The following CDH4 variants were observed in gnomAD, a reference collection of about 807,000 sequenced individuals.
CDH4 encodes cadherin 4.
A neutral mutation model predicts 86.0 loss-of-function variants in CDH4; 33 were observed. The observed-to-expected ratio is 0.38, with a 90% confidence interval of 0.29 to 0.51. The LOEUF is 0.51. Ranked by LOEUF, CDH4 falls within the 20% of genes least tolerant of loss-of-function variation. The pLI is 0.86. For synonymous variants in CDH4, 555 were observed against 549.4 expected (o/e 1.01, Z -0.14); for missense variants, 1,114 against 1,307.4 (o/e 0.85, Z 2.28).
At chr20:61,687,475 C>A (rs901457260) in intron 2 of CDH4, among the ~76,000 whole-genome samples, 1 of 152,152 alleles carries the variant, frequency 6.6e-6, no homozygotes, top group Admixed American at 6.5e-5. Flanking sequence ...ACAGCCTGGG[C>A]GGGACTTGCT....
At chr20:61,920,711 TCAC>T (rs1346973827) in intron 9 of CDH4, among the ~76,000 whole-genome samples, 1 of 150,146 alleles carries the variant, frequency 6.7e-6, no homozygotes, top group African/African-American at 2.5e-5. Flanking sequence ...AAGCGTGGTG[TCAC>T]GGTGATTGCA....
chr20:61,673,443 C>T (rs1446466571), intron 2 of CDH4, among the ~76,000 whole-genome samples: 1 of 152,208 alleles, frequency 6.6e-6, no homozygotes, highest in Non-Finnish European at 1.5e-5. Flanking sequence ...AGGGAGGCTG[C>T]GTGCCTGGGC....
At chr20:61,497,018 C>G (rs968910875) in intron 2 of CDH4, among the ~76,000 whole-genome samples, 5 of 141,956 alleles carry the variant, frequency 3.5e-5, no homozygotes, top group Non-Finnish European at 1.5e-5. Context: ...TTAAGTCTCT[C>G]TTATCCAATG....
rs551923937 is a variant in CDH4, at chr20:61,845,537, TG to T, written c.732+715del. 1.4e-4 allele frequency among the ~76,000 whole-genome samples: 22 copies of T among 152,272 alleles called. No homozygotes were observed. The South Asian group carries it at 4.1e-3, about 29-fold the overall frequency. ...TCAGGGTCCAGAGCTGTCCATCACG[TG>T]TAGGTGAAGGCCTCGCCAGCAGCGC... On this transcript the variant is annotated intron_variant, in intron 5 of 15. Coordinates refer to ENST00000614565, the MANE Select transcript of CDH4 (RefSeq NM_001794.5).
chr20:61,833,431 A>G (rs1446041093), intron 4 of CDH4, among the ~76,000 whole-genome samples: 1 of 152,160 alleles, frequency 6.6e-6, no homozygotes, highest in Admixed American at 6.5e-5. Context: ...GACAGCAAAC[A>G]TAGTATTCCG....
At chr20:61,502,749 T>C (rs2085713601) in intron 2 of CDH4, among the ~76,000 whole-genome samples, 1 of 152,222 alleles carries the variant, frequency 6.6e-6, no homozygotes, top group Admixed American at 6.5e-5. Context: ...TATTTTCTTT[T>C]TTGTTACTGG....
chr20:61,605,587 G>A (rs998206474), intron 2 of CDH4, among the ~76,000 whole-genome samples: 1 of 145,712 alleles, frequency 6.9e-6, no homozygotes, highest in Non-Finnish European at 1.5e-5. Flanking sequence ...CTGCCTCCCT[G>A]TCTCTCCCTC....
intron 2 of CDH4, among the ~76,000 whole-genome samples, chr20:61,476,685 C>T (rs1481792429): frequency 6.6e-6 from 1 of 152,236 alleles, no homozygotes; most frequent in Non-Finnish European, 1.5e-5. Context: ...AAGTGTTAGG[C>T]TGGGCGAGAC....
chr20:61,719,058 G>A (rs78307752), intron 2 of CDH4: 82 of 471,140 alleles, frequency 1.7e-4, no homozygotes, highest in East Asian at 1.4e-3. Context: ...GGCCACACTC[G>A]TGCTAATAGG....
intron 3 of CDH4, among the ~76,000 whole-genome samples, chr20:61,767,781 G>A (rs574140998): frequency 1.3e-5 from 2 of 152,314 alleles, no homozygotes; most frequent in African/African-American, 4.8e-5. Flanking sequence ...GCCCTGGGCA[G>A]GGCCCTGGCC....
At chr20:61,469,998 C>T (rs2085493412) in intron 2 of CDH4, among the ~76,000 whole-genome samples, 1 of 152,136 alleles carries the variant, frequency 6.6e-6, no homozygotes, top group Non-Finnish European at 1.5e-5. Context: ...CAATGTAATT[C>T]TTCCAGTTTT....
At chr20:61,745,095 G>C (rs1165087931) in intron 3 of CDH4, among the ~76,000 whole-genome samples, 1 of 152,246 alleles carries the variant, frequency 6.6e-6, no homozygotes, top group Non-Finnish European at 1.5e-5. Context: ...GAGATACGGT[G>C]AGCAAAGGAA....
At chr20:61,416,029 C>T (rs1476357679) in intron 2 of CDH4, among the ~76,000 whole-genome samples, 2 of 131,918 alleles carry the variant, frequency 1.5e-5, no homozygotes, top group African/African-American at 3.0e-5. Flanking sequence ...TTTTTTTCCC[C>T]GAAACAGAGT....
intron 2 of CDH4, among the ~76,000 whole-genome samples, chr20:61,674,119 A>G (rs1369922598): frequency 6.6e-6 from 1 of 152,086 alleles, no homozygotes; most frequent in Non-Finnish European, 1.5e-5. Context: ...GCAGCCCAGA[A>G]TCTGTTCAGC....
At chr20:61,665,163 G>A (rs528323132) in intron 2 of CDH4, among the ~76,000 whole-genome samples, 73 of 152,240 alleles carry the variant, frequency 4.8e-4, no homozygotes, top group Non-Finnish European at 8.8e-4. Context: ...TGAAGGGCCC[G>A]TGTCTGTTGA....
intron 2 of CDH4, among the ~76,000 whole-genome samples, chr20:61,297,310 C>A (rs1441652820): frequency 6.6e-6 from 1 of 152,092 alleles, no homozygotes; most frequent in Non-Finnish European, 1.5e-5. Context: ...CGCTTGAACC[C>A]GGGAGGCGGA....
At chr20:61,896,226 G>A (rs1390705412) in intron 8 of CDH4, among the ~76,000 whole-genome samples, 3 of 152,160 alleles carry the variant, frequency 2.0e-5, no homozygotes, top group Non-Finnish European at 4.4e-5. Flanking sequence ...CCAACCCAGT[G>A]ACAGATGAGG....
At chr20:61,555,348 C>G (rs775759145) in intron 2 of CDH4, among the ~76,000 whole-genome samples, 11 of 152,186 alleles carry the variant, frequency 7.2e-5, no homozygotes, top group Non-Finnish European at 1.3e-4. Context: ...CTGGCATCAG[C>G]CTTGCTTTCT....
chr20:61,933,750 C>G (rs973487552), intron 14 of CDH4, among the ~76,000 whole-genome samples: 5 of 152,352 alleles, frequency 3.3e-5, no homozygotes, highest in African/African-American at 1.2e-4. Flanking sequence ...TCCTGGCCCC[C>G]TGAGCACTCG....
Sources: gnomAD v4.1 joint callset for allele counts (sites outside exome capture counted in the v4.1 genomes callset) on GRCh38, gnomAD v4.1.1 for gene constraint, MANE v1.5 for transcripts, NCBI Gene and HGNC (gene_info 2026-07-23, HGNC 2026-07-21) for gene names.